The following PRKN variants were observed in gnomAD, a reference collection of about 807,000 sequenced individuals.
PRKN encodes parkin RBR E3 ubiquitin protein ligase, also known as E3 ubiquitin-protein ligase parkin.
PRKN carries 56 observed loss-of-function variants against 59.5 expected under a neutral mutation model. The ratio of observed to expected loss-of-function variants is 0.94; its 90% CI spans 0.76 to 1.18. The LOEUF (loss-of-function observed/expected upper bound fraction) is 1.18. PRKN is among the 50% of genes most tolerant of loss of function. The pLI, the probability that PRKN is intolerant of heterozygous loss-of-function variation, is 0.00. For synonymous variants in PRKN, 250 were observed against 222.1 expected (o/e 1.13, Z -1.12); for missense variants, 657 against 596.4 (o/e 1.10, Z -1.06).
At chr6:162,223,980 G>C (rs759380641) in intron 3 of PRKN, among the ~76,000 whole-genome samples, 5 of 152,114 alleles carry the variant, frequency 3.3e-5, no homozygotes, top group Non-Finnish European at 5.9e-5. Context: ...TCGTGGTGTG[G>C]TGTCAGCATC....
chr6:162,359,260 CT>C (rs1015121556), intron 2 of PRKN, among the ~76,000 whole-genome samples: 1 of 151,598 alleles, frequency 6.6e-6, no homozygotes, highest in African/African-American at 2.4e-5. Context: ...AATAAATTAA[CT>C]TATCTAGATT....
Position 161,582,575 on chromosome 6 carries a change from T to C in PRKN, c.872-13159A>G, listed in dbSNP as rs534853791. ...CCAAGCAGCTGGGACTACAGGCGCC[T>C]GCCACCTCGCCTGGCTAATTGTTTT... On this transcript the variant is annotated intron_variant, in intron 7 of 11. Transcript: ENST00000366898. The surrounding 1 kb of genome is among the most constrained non-coding windows in gnomAD (Gnocchi z 4.4). 1.1e-4 allele frequency among the ~76,000 whole-genome samples: 16 copies of C among 152,028 alleles called. No homozygotes were observed. Among genetic ancestry groups the C allele is most frequent in the Admixed American group, 4.6e-4 (7 of 15,270 alleles).
At chr6:161,403,578 G>A (rs1002780174) in intron 9 of PRKN, among the ~76,000 whole-genome samples, 1 of 152,182 alleles carries the variant, frequency 6.6e-6, no homozygotes, top group South Asian at 2.1e-4. Flanking sequence ...GCAGGAGCAC[G>A]TAATGACTCT....
At chr6:161,687,927 C>T (rs1785627618) in intron 7 of PRKN, among the ~76,000 whole-genome samples, 1 of 152,022 alleles carries the variant, frequency 6.6e-6, no homozygotes, top group African/African-American at 2.4e-5. Context: ...AAATTGTTTC[C>T]CAACATACTT....
rs9364634 is a variant in PRKN, at chr6:162,021,186, T to A, written c.618+32905A>T. On this transcript the variant is annotated intron_variant, in intron 5 of 11. Transcript: ENST00000366898. ...TATATAAAATATATGTGTATATATA[T>A]TATATATATAATATATATAATATAT... 6.0e-5 allele frequency among the ~76,000 whole-genome samples: 6 copies of A among 100,680 alleles called. 1 individual carries two copies. Among genetic ancestry groups the A allele is most frequent in the Admixed American group, 1.2e-4 (1 of 8,608 alleles). The allele number at this position is 100,680 out of a possible 152,430, so 66.0% of individuals were successfully genotyped here.
intron 7 of PRKN, among the ~76,000 whole-genome samples, chr6:161,665,385 T>C (rs941843415): frequency 1.3e-5 from 2 of 152,186 alleles, no homozygotes; most frequent in Non-Finnish European, 2.9e-5. Context: ...ACATTTTTTT[T>C]CTGTTGATTT....
At chr6:162,319,122 T>C (rs1032079582) in intron 2 of PRKN, among the ~76,000 whole-genome samples, 16 of 152,048 alleles carry the variant, frequency 1.1e-4, no homozygotes, top group Non-Finnish European at 2.1e-4. Flanking sequence ...TTGATTTTTT[T>C]ATAATAGTGT....
chr6:161,676,520 C>T (rs1785092464), intron 7 of PRKN, among the ~76,000 whole-genome samples: 1 of 152,192 alleles, frequency 6.6e-6, no homozygotes, highest in East Asian at 1.9e-4. Flanking sequence ...ATTCAAATGT[C>T]AGTGTCTGTA....
intron 6 of PRKN, among the ~76,000 whole-genome samples, chr6:161,877,103 C>T (rs1794758789): frequency 6.6e-6 from 1 of 152,140 alleles, no homozygotes; most frequent in African/African-American, 2.4e-5. Flanking sequence ...TAGTCCCGAC[C>T]TTCCCTCTTG....
intron 8 of PRKN, among the ~76,000 whole-genome samples, chr6:161,553,919 T>C (rs1218496157): frequency 1.3e-5 from 2 of 152,212 alleles, no homozygotes; most frequent in Admixed American, 6.5e-5. Flanking sequence ...AGGTTCATCT[T>C]ACACGTTTCC....
intron 7 of PRKN, among the ~76,000 whole-genome samples, chr6:161,574,967 G>A (rs757234060): frequency 1.3e-5 from 2 of 151,990 alleles, no homozygotes; most frequent in Non-Finnish European, 2.9e-5. Context: ...TTTAAAGCCC[G>A]TCCTGCTGTC....
At position 161,373,538 on chromosome 6, in the gene PRKN, C is replaced by T. The variant is rs1785526574; in HGVS notation, c.1167+13256G>A. On this transcript the variant is annotated intron_variant, in intron 10 of 11. Transcript: ENST00000366898. The surrounding 1 kb of genome is among the most constrained non-coding windows in gnomAD (Gnocchi z 4.8). Reference sequence around the variant, plus strand: ...TACAGGGGTGCTGAGTTTAAACGAGCTATGCCTCTGTGTTTGCAGGGGTGC... The same window carrying T: ...TACAGGGGTGCTGAGTTTAAACGAGTTATGCCTCTGTGTTTGCAGGGGTGC... 6.6e-6 allele frequency among the ~76,000 whole-genome samples: 1 copy of T among 151,734 alleles called. No individual in the cohort carries two copies. Among genetic ancestry groups the T allele is most frequent in the Non-Finnish European group, 1.5e-5 (1 of 67,950 alleles).
chr6:162,489,479 T>C (rs991664602), intron 1 of PRKN, among the ~76,000 whole-genome samples: 2 of 152,194 alleles, frequency 1.3e-5, no homozygotes, highest in African/African-American at 4.8e-5. Flanking sequence ...AAGTATGAGT[T>C]TGGACCAGTT....
chr6:161,680,536 G>GA (rs1230795338), intron 7 of PRKN, among the ~76,000 whole-genome samples: 3 of 151,688 alleles, frequency 2.0e-5, no homozygotes, highest in Non-Finnish European at 4.4e-5. Context: ...GCATGCTGCT[G>GA]AATGTTACAG....
intron 9 of PRKN, among the ~76,000 whole-genome samples, chr6:161,439,660 C>CT (rs1214063302): frequency 1.3e-5 from 2 of 152,028 alleles, no homozygotes; most frequent in African/African-American, 4.8e-5. Flanking sequence ...CCGGTTTGTG[C>CT]CAAAGAGCTA....
At chr6:162,048,766 T>A (rs1036909231) in intron 5 of PRKN, among the ~76,000 whole-genome samples, 3 of 150,870 alleles carry the variant, frequency 2.0e-5, no homozygotes, top group Non-Finnish European at 4.4e-5. Context: ...CAAATTTGTG[T>A]TGGGCCACAT....
rs1414604572 is a variant in PRKN at position 161,576,029 on chromosome 6, C to G, written c.872-6613G>C. ...GTGAAGGAATCCAGTGGGCGGCTTG[C>G]TACTCCAGCTAAGCCAGGTTGATTA... On this transcript the variant is annotated intron_variant, in intron 7 of 11. Transcript: ENST00000366898. The surrounding 1 kb of genome is among the most constrained non-coding windows in gnomAD (Gnocchi z 4.6). 6.6e-6 allele frequency among the ~76,000 whole-genome samples: 1 copy of G among 152,182 alleles called. No homozygotes were observed. The highest frequency in any genetic ancestry group is 6.5e-5 in the Admixed American group (1 of 15,276).
chr6:162,622,264 T>C (rs1381877706), intron 1 of PRKN, among the ~76,000 whole-genome samples: 1 of 152,092 alleles, frequency 6.6e-6, no homozygotes, highest in Non-Finnish European at 1.5e-5. Context: ...TAACAGCCTT[T>C]ACAGCTATTA....
Position 161,410,263 on chromosome 6 carries a change from A to G in PRKN, c.1084-23386T>C, listed in dbSNP as rs1787468443. Among the ~76,000 whole-genome samples the G allele has an allele frequency of 6.6e-6, 1 of 152,180 alleles. No individual in the cohort carries two copies. The highest frequency in any genetic ancestry group is 2.1e-4 in the South Asian group (1 of 4,824). ...TGTCTCAGCTGGTAGCCCTTGTCCC[A>G]GAGCTGGTGGCCTGCTGTGTCCTCC... On this transcript the variant is annotated intron_variant, in intron 9 of 11. Transcript: ENST00000366898. The surrounding 1 kb of genome is among the most constrained non-coding windows in gnomAD (Gnocchi z 5.3).
Sources: allele counts gnomAD v4.1 joint callset (sites outside exome capture counted in the v4.1 genomes callset), GRCh38; gene constraint gnomAD v4.1.1; non-coding constraint Gnocchi (gnomAD v3.1); transcripts MANE v1.5; gene names NCBI Gene and HGNC (gene_info 2026-07-23, HGNC 2026-07-21).